ZNF57: variants seen among roughly 807,000 people sequenced by gnomAD.
The protein encoded by ZNF57 is zinc finger protein 424.
A neutral mutation model predicts 13.4 loss-of-function variants in ZNF57; 11 were observed. The observed-to-expected ratio is 0.82, with a 90% CI of 0.52 to 1.36. The LOEUF is 1.36. ZNF57 is among the 40% of genes most tolerant of loss of function. The pLI is 0.00. For missense variants in ZNF57, 696 were observed against 667.5 expected (o/e 1.04, Z -0.47); for synonymous variants, 224 against 238.5 (o/e 0.94, Z 0.56).
chr19:2,905,410 C>A lies in ZNF57; in HGVS notation c.3+4362C>A, dbSNP rs566248841. Among the ~76,000 whole-genome samples the A allele has an allele frequency of 6.3e-4, 42 of 67,134 alleles. 16 individuals carry two copies. Among genetic ancestry groups the A allele is most frequent in the Admixed American group, 1.2e-3 (12 of 9,870 alleles). 44.0% of individuals were successfully genotyped at this position (67,134 alleles called of 152,430 possible). A position where few individuals can be genotyped will look rare whatever the true frequency, so the allele number is the denominator to read the frequency against. On this transcript the variant is annotated intron_variant, in intron 1 of 3. Transcript: ENST00000306908. ...GAACTCTTGACTTCAGGTGATCGCC[C>A]CCCCCCCCTCGGCATTCCAAAGTAT...
intron 1 of ZNF57, among the ~76,000 whole-genome samples, chr19:2,903,254 C>T (rs2088044045): frequency 6.6e-6 from 1 of 151,716 alleles, no homozygotes; most frequent in Non-Finnish European, 1.5e-5. Context: ...CTGTGTCTCC[C>T]AGGCTGGAGT....
intron 2 of ZNF57, 87 bp downstream of exon 2, chr19:2,915,735 A>G (rs1439636151): frequency 6.2e-7 from 1 of 1,600,812 alleles, no homozygotes; most frequent in East Asian, 2.2e-5. Context: ...AATGTGGGAA[A>G]GGACTAAGAC....
In ZNF57 at chr19:2,909,275, A is replaced by ATTTT. The variant is rs1258331033; in HGVS notation, c.4-6245_4-6242dup. 4.0e-3 allele frequency among the ~76,000 whole-genome samples: 415 copies of ATTTT among 103,666 alleles called. 5 individuals are homozygous for ATTTT. Among genetic ancestry groups the ATTTT allele is most frequent in the East Asian group, 7.4e-3 (22 of 2,992 alleles). 68.0% of individuals were successfully genotyped at this position (103,666 alleles called of 152,430 possible). A position where few individuals can be genotyped will look rare whatever the true frequency, so the allele number is the denominator to read the frequency against. ...CCTTATAATAGATTTTATTTTATTT[A>ATTTT]TTTTTGTTTTTTTTTTTTTTTTTGA... On this transcript the variant is annotated intron_variant, in intron 1 of 3. Coordinates refer to ENST00000306908, the MANE Select transcript of ZNF57 (RefSeq NM_173480.3).
At chr19:2,907,523 G>A (rs1019950702) in intron 1 of ZNF57, among the ~76,000 whole-genome samples, 8 of 152,038 alleles carry the variant, frequency 5.3e-5, no homozygotes, top group Non-Finnish European at 8.8e-5. Flanking sequence ...TTTCATTATC[G>A]TTATGTCACA....
chr19:2,915,429 C>T, intron 1 of ZNF57, 93 bp from the exon 2 acceptor site: 1 of 1,530,110 alleles, frequency 6.5e-7, no homozygotes, highest in South Asian at 1.2e-5. Flanking sequence ...GTTGGGACAC[C>T]ACAGAATCTT....
At chr19:2,912,901 C>G (rs1036295405) in intron 1 of ZNF57, among the ~76,000 whole-genome samples, 4 of 152,100 alleles carry the variant, frequency 2.6e-5, no homozygotes, top group African/African-American at 7.2e-5. Context: ...TCTTTGATGA[C>G]TAATTACTGA....
At chr19:2,905,143 C>G (rs1392726340) in intron 1 of ZNF57, among the ~76,000 whole-genome samples, 2 of 152,078 alleles carry the variant, frequency 1.3e-5, no homozygotes, top group African/African-American at 4.8e-5. Flanking sequence ...TTTGTCCATC[C>G]TGACGATACC....
intron 1 of ZNF57, among the ~76,000 whole-genome samples, chr19:2,908,428 C>T (rs1399547216): frequency 1.4e-5 from 2 of 148,080 alleles, no homozygotes; most frequent in Admixed American, 6.8e-5. Context: ...AGCCATTTAA[C>T]GTGCACATTT....
At chr19:2,916,360 C>CA (rs34115054) in intron 3 of ZNF57, 111 bp downstream of exon 3, 295,735 of 778,506 alleles carry the variant, frequency 0.38, 34,512 homozygotes, top group East Asian at 0.51. Flanking sequence ...GAATTTTAAC[C>CA]AAAAAAAAAA....
intron 1 of ZNF57, among the ~76,000 whole-genome samples, chr19:2,901,646 G>T (rs2088031159): frequency 6.6e-6 from 1 of 152,070 alleles, no homozygotes; most frequent in Admixed American, 6.6e-5. Flanking sequence ...TCAGCCTCCG[G>T]AGTAGCTGAG....
In ZNF57 at chr19:2,917,400, C is replaced by A. The variant is rs1366771174; in HGVS notation, c.779C>A (p.Ala260Asp). 6.2e-7 allele frequency: 1 copy of A among 1,614,164 alleles called. No homozygotes were observed. Among genetic ancestry groups the A allele is most frequent in the East Asian group, 2.2e-5 (1 of 44,884 alleles). ...RPYKCQECGR[A>D]FIYPSTFQRH... ...TATAAATGTCAGGAATGTGGGAGAG[C>A]CTTCATTTATCCCTCGACATTTCAA... The change falls in exon 4 of 4, where the codon GCC becomes GAC. Residue 260 changes from alanine (A) to aspartate (D), a missense_variant. By Grantham distance (126) the Ala-to-Asp change is moderately radical. Around this residue, in one of 3 missense-constraint regions of ZNF57, gnomAD observed 645 missense variants for 591.5 expected, o/e 1.09. Transcript: ENST00000306908.
chr19:2,903,322 C>T (rs146389382), intron 1 of ZNF57, among the ~76,000 whole-genome samples: 4,536 of 152,218 alleles, frequency 0.03, 102 homozygotes, highest in Middle Eastern at 0.1. Context: ...AGCAATTCTC[C>T]TGCCTCAGCC....
rs747859912 is a variant in ZNF57, at chr19:2,904,096, C to G, written c.3+3048C>G. On this transcript the variant is annotated intron_variant, in intron 1 of 3. Transcript: ENST00000306908. ...CAGGCTAGTCTCAAACTCCTGGACT[C>G]AAGCGATCTGCCCTCCTTGGCCTCC... Among the ~76,000 whole-genome samples the G allele has an allele frequency of 7.2e-5, 11 of 152,268 alleles. No homozygotes were observed. The South Asian group carries it at 1.0e-3, about 14-fold the overall frequency.
Position 2,917,561 on chromosome 19 carries a change from G to A in ZNF57, c.940G>A (p.Gly314Arg), listed in dbSNP as rs762631028. Residue 314 changes from glycine (G) to arginine (R), a missense_variant, in exon 4 of 4, where the codon GGG (glycine) becomes AGG (arginine). Coordinates refer to ENST00000306908, the MANE Select transcript of ZNF57 (RefSeq NM_173480.3). ...GEKPYECKQC[G>R]KTFSWSETLR... ...GAAGCCCTATGAATGCAAGCAGTGTGGGAAAACATTCAGTTGGTCTGAAAC... is the reference window on the plus strand; with the variant it reads ...GAAGCCCTATGAATGCAAGCAGTGTAGGAAAACATTCAGTTGGTCTGAAAC... 1.4e-5 allele frequency: 23 copies of A among 1,614,118 alleles called. 1 individual carries two copies. The South Asian group carries it at 2.2e-4, about 15-fold the overall frequency.
intron 1 of ZNF57, among the ~76,000 whole-genome samples, chr19:2,904,861 T>C (rs2088059410): frequency 6.6e-6 from 1 of 152,002 alleles, no homozygotes; most frequent in African/African-American, 2.4e-5. Context: ...TAGCTTACTG[T>C]CTGTGTGTGG....
At chr19:2,911,219 A>G (rs974045377) in intron 1 of ZNF57, among the ~76,000 whole-genome samples, 3 of 151,992 alleles carry the variant, frequency 2.0e-5, no homozygotes, top group African/African-American at 7.2e-5. Flanking sequence ...ATATGCCTCC[A>G]AGCCCAGCTT....
rs1241087329 is a variant in ZNF57 at position 2,909,644 on chromosome 19, A to C, written c.4-5878A>C. Among the ~76,000 whole-genome samples, 5 of 46,854 alleles carry C rather than the reference A, an allele frequency of 1.1e-4. 2 individuals carry two copies. Among genetic ancestry groups the C allele is most frequent in the African/African-American group, 2.4e-4 (5 of 20,580 alleles). 30.7% of individuals were successfully genotyped at this position (46,854 alleles called of 152,430 possible). A position where few individuals can be genotyped will look rare whatever the true frequency, so the allele number is the denominator to read the frequency against. The stretch of plus-strand genomic sequence containing the variant: ...TTTTTTATATACTCATCTGCCATCT[A>C]TATCTTCACAGATGAGTTGTCTTAA... On this transcript the variant is annotated intron_variant, in intron 1 of 3. Transcript: ENST00000306908.
At position 2,918,246 on chromosome 19, in the gene ZNF57, G is replaced by A; in HGVS notation, c.1625G>A (p.Ser542Asn). 1 of 1,612,168 alleles carries A rather than the reference G, an allele frequency of 6.2e-7. No homozygotes were observed. Among genetic ancestry groups the A allele is most frequent in the Non-Finnish European group, 8.5e-7 (1 of 1,178,872 alleles). ...HECQSYSKAF[S>N]CQVILSKTSE... ...TGTCAGTCATACTCAAAAGCCTTCA[G>A]TTGCCAAGTCATTCTTTCTAAAACC... The change falls in exon 4 of 4, where the codon AGT becomes AAT. Residue 542 changes from serine to asparagine, a missense_variant. Coordinates refer to ENST00000306908, the MANE Select transcript of ZNF57 (RefSeq NM_173480.3).
chr19:2,916,393 G>A, intron 3 of ZNF57, 144 bp downstream of exon 3: 1 of 735,278 alleles, frequency 1.4e-6, no homozygotes, highest in Non-Finnish European at 2.1e-6. Flanking sequence ...CTAAGACATT[G>A]AGAATTTGAA....
Sources: allele counts gnomAD v4.1 joint callset (sites outside exome capture counted in the v4.1 genomes callset), GRCh38; gene constraint gnomAD v4.1.1; regional missense constraint gnomAD v4.1.1; transcripts MANE v1.5; gene names NCBI Gene and HGNC (gene_info 2026-07-23, HGNC 2026-07-21).